Variants in LRRC37A2 observed in about 807,000 individuals in gnomAD.
LRRC37A2 encodes leucine rich repeat containing 37 member A2.
In LRRC37A2, 9 loss-of-function variants were observed where a neutral mutation model predicts 68.8. The ratio of observed to expected loss-of-function variants is 0.13; its 90% CI spans 0.08 to 0.23. The LOEUF (loss-of-function observed/expected upper bound fraction) is 0.23. Ranked by LOEUF, LRRC37A2 falls within the 10% of genes least tolerant of loss-of-function variation. LRRC37A2 has a pLI of 1.00. For missense variants in LRRC37A2, 168 were observed against 950.4 expected (o/e 0.18, Z 10.82); for synonymous variants, 63 against 367.6 (o/e 0.17, Z 9.48).
At chr17:46,568,940 CTCTTT>C in the LRRC37A2 span, among the ~76,000 whole-genome samples, 5 of 117,148 alleles carry the variant, frequency 4.3e-5, no homozygotes, top group African/African-American at 1.6e-4. Context: ...CTTTTTTTTT[CTCTTT>C]TTTTTTTTTT....
chr17:46,785,057 G>A, the LRRC37A2 span, among the ~76,000 whole-genome samples: 119 of 152,196 alleles, frequency 7.8e-4, 1 homozygote, highest in South Asian at 9.6e-3. Context: ...GATTACAGGC[G>A]TGAGCCACCG....
At chr17:46,504,792 T>C in the LRRC37A2 span, among the ~76,000 whole-genome samples, 1 of 92,720 alleles carries the variant, frequency 1.1e-5, no homozygotes, top group Non-Finnish European at 2.0e-5. Flanking sequence ...ATACAGACTT[T>C]TACCTTAGGC....
chr17:47,030,824 G>A, the LRRC37A2 span, among the ~76,000 whole-genome samples: 2 of 151,706 alleles, frequency 1.3e-5, no homozygotes, highest in Non-Finnish European at 2.9e-5. Flanking sequence ...ACCATTTTGT[G>A]GTGTTTGTAA....
At chr17:46,977,873 A>T in the LRRC37A2 span, among the ~76,000 whole-genome samples, 2 of 152,200 alleles carry the variant, frequency 1.3e-5, no homozygotes, top group African/African-American at 2.4e-5. Context: ...ATTTTGTTTC[A>T]TCTCATATTA....
chr17:46,494,659 T>C, the LRRC37A2 span, among the ~76,000 whole-genome samples: 1 of 151,574 alleles, frequency 6.6e-6, no homozygotes, highest in Non-Finnish European at 1.5e-5. Context: ...TTTGATTTTG[T>C]TGTGGTCGTT....
At chr17:46,769,639 G>A in the LRRC37A2 span, 1 of 1,060,874 alleles carries the variant, frequency 9.4e-7, no homozygotes, top group African/African-American at 1.6e-5. Flanking sequence ...CTGTGGGGTG[G>A]GGAGGAGGCC....
At chr17:46,854,682 G>A in the LRRC37A2 span, among the ~76,000 whole-genome samples, 5 of 151,772 alleles carry the variant, frequency 3.3e-5, no homozygotes, top group South Asian at 6.2e-4. Context: ...CTTTTTTTGA[G>A]ATGGAGTCTT....
At chr17:46,676,389 C>T in the LRRC37A2 span, among the ~76,000 whole-genome samples, 4 of 135,946 alleles carry the variant, frequency 2.9e-5, 2 homozygotes, top group African/African-American at 1.2e-4. Context: ...TGCACCACCA[C>T]GCCCAGCTAA....
chr17:47,038,841 G>A, the LRRC37A2 span, among the ~76,000 whole-genome samples: 1 of 125,454 alleles, frequency 8.0e-6, no homozygotes. Flanking sequence ...CTGCAGGCAC[G>A]TAACACCACA....
the LRRC37A2 span, among the ~76,000 whole-genome samples, chr17:46,868,488 C>T: frequency 5.9e-5 from 9 of 152,182 alleles, no homozygotes; most frequent in Non-Finnish European, 1.3e-4. Flanking sequence ...CCCAGCTACT[C>T]GGGAGGCTGA....
chr17:46,980,018 G>GT, the LRRC37A2 span, among the ~76,000 whole-genome samples: 1 of 152,002 alleles, frequency 6.6e-6, no homozygotes, highest in Admixed American at 6.6e-5. Flanking sequence ...ACTTAACAGC[G>GT]TAACTTTCCC....
the LRRC37A2 span, chr17:46,930,888 C>T: frequency 1.8e-6 from 1 of 550,592 alleles, no homozygotes; most frequent in South Asian, 2.3e-5. Context: ...ATTGTTATGT[C>T]ATTAACAGCT....
the LRRC37A2 span, among the ~76,000 whole-genome samples, chr17:47,002,453 C>G: frequency 6.6e-6 from 1 of 151,524 alleles, no homozygotes; most frequent in Non-Finnish European, 1.5e-5. Context: ...TGCAATGGCG[C>G]TATCTTGGCT....
chr17:46,494,195 T>G, the LRRC37A2 span, among the ~76,000 whole-genome samples: 1 of 151,102 alleles, frequency 6.6e-6, no homozygotes, highest in East Asian at 1.9e-4. Flanking sequence ...TGGATATAAG[T>G]GCTTTGTTAG....
the LRRC37A2 span, among the ~76,000 whole-genome samples, chr17:47,013,847 T>C: frequency 6.6e-6 from 1 of 152,058 alleles, no homozygotes; most frequent in Non-Finnish European, 1.5e-5. Context: ...AACTCAAGAG[T>C]AACAGGGCTG....
At chr17:46,826,039 C>T in the LRRC37A2 span, among the ~76,000 whole-genome samples, 71 of 152,276 alleles carry the variant, frequency 4.7e-4, no homozygotes, top group African/African-American at 1.0e-3. Context: ...CAAAACAAAA[C>T]GAAACAAAAC....
chr17:46,957,339 G>A, the LRRC37A2 span, among the ~76,000 whole-genome samples: 8 of 152,014 alleles, frequency 5.3e-5, no homozygotes, highest in South Asian at 2.1e-4. Context: ...CAGGCTAAGC[G>A]CTGTGGCTCA....
At chr17:46,496,993 G>C in the LRRC37A2 span, among the ~76,000 whole-genome samples, 153 of 137,814 alleles carry the variant, frequency 1.1e-3, 5 homozygotes, top group African/African-American at 4.3e-3. Context: ...TTTTTGACTA[G>C]TGTTAAAATG....
chr17:46,806,352 G>A, the LRRC37A2 span, among the ~76,000 whole-genome samples: 1 of 151,852 alleles, frequency 6.6e-6, no homozygotes, highest in African/African-American at 2.4e-5. Context: ...TGGGATTACA[G>A]GCACGTGCCA....
Sources: gnomAD v4.1 joint callset for allele counts (sites outside exome capture counted in the v4.1 genomes callset) on GRCh38, gnomAD v4.1.1 for gene constraint, MANE v1.5 for transcripts, NCBI Gene and HGNC (gene_info 2026-07-23, HGNC 2026-07-21) for gene names.